Variants in ST18 observed in about 807,000 individuals in gnomAD.
The protein encoded by ST18 is suppression of tumorigenicity 18 protein.
In ST18, 50 loss-of-function variants were observed where a neutral mutation model predicts 110.0. That is an observed-to-expected ratio of 0.45 (90% CI 0.36 to 0.58). The LOEUF is 0.58. ST18 is among the 20% of genes least tolerant of loss of function. ST18 has a pLI of 0.00. For missense variants in ST18, 1,306 were observed against 1,280.1 expected (o/e 1.02, Z -0.31); for synonymous variants, 461 against 452.4 (o/e 1.02, Z -0.24).
At chr8:52,186,642 C>T (rs1201117474) in intron 8 of ST18, among the ~76,000 whole-genome samples, 4 of 152,154 alleles carry the variant, frequency 2.6e-5, no homozygotes, top group Non-Finnish European at 5.9e-5. Context: ...TCTCCCATAC[C>T]GGAAACATCG....
At chr8:52,333,092 GAT>G (rs2140097941) in intron 2 of ST18, among the ~76,000 whole-genome samples, 1 of 152,196 alleles carries the variant, frequency 6.6e-6, no homozygotes, top group African/African-American at 2.4e-5. Flanking sequence ...CCATCAAGCT[GAT>G]GTCCACCTTC....
intron 2 of ST18, among the ~76,000 whole-genome samples, chr8:52,333,578 C>T (rs1377541557): frequency 2.0e-5 from 3 of 152,136 alleles, no homozygotes; most frequent in Admixed American, 6.5e-5. Flanking sequence ...AAAGTAAAGT[C>T]AGGGAAAGAA....
intron 2 of ST18, among the ~76,000 whole-genome samples, chr8:52,374,907 C>T (rs1011479582): frequency 6.6e-6 from 1 of 152,150 alleles, no homozygotes; most frequent in Non-Finnish European, 1.5e-5. Context: ...TGTATATGTA[C>T]CACATCTGTG....
At chr8:52,113,954 G>GTTATTT in intron 25 of ST18, among the ~76,000 whole-genome samples, 1 of 45,422 alleles carries the variant, frequency 2.2e-5, no homozygotes, top group Non-Finnish European at 3.8e-5. Flanking sequence ...TTCATACCGT[G>GTTATTT]TTTTTTTTTT....
At chr8:52,300,836 T>A (rs1383350752) in intron 2 of ST18, among the ~76,000 whole-genome samples, 3 of 152,102 alleles carry the variant, frequency 2.0e-5, no homozygotes, top group Non-Finnish European at 4.4e-5. Context: ...CAGAAAAGCA[T>A]GCTAACTCCT....
intron 8 of ST18, among the ~76,000 whole-genome samples, chr8:52,208,828 TA>T (rs2081113235): frequency 6.6e-6 from 1 of 151,892 alleles, no homozygotes; most frequent in Non-Finnish European, 1.5e-5. Context: ...AATAAATAAA[TA>T]AATAAATAAA....
intron 13 of ST18, among the ~76,000 whole-genome samples, chr8:52,163,422 A>C (rs2061965699): frequency 6.6e-6 from 1 of 152,216 alleles, no homozygotes; most frequent in African/African-American, 2.4e-5. Context: ...TATATACTTT[A>C]GTATTTAGAT....
chr8:52,362,021 T>C (rs1054737575), intron 2 of ST18, among the ~76,000 whole-genome samples: 1 of 152,234 alleles, frequency 6.6e-6, no homozygotes, highest in African/African-American at 2.4e-5. Context: ...TGAACCTATA[T>C]TCTAGTTCAA....
intron 8 of ST18, among the ~76,000 whole-genome samples, chr8:52,189,653 T>G: frequency 6.6e-6 from 1 of 152,294 alleles, no homozygotes; most frequent in East Asian, 1.9e-4. Flanking sequence ...GGTCGTTTAC[T>G]TGGAGAACAA....
intron 2 of ST18, among the ~76,000 whole-genome samples, chr8:52,388,292 G>C (rs1174186541): frequency 6.6e-6 from 1 of 151,872 alleles, no homozygotes; most frequent in African/African-American, 2.4e-5. Context: ...GAATTCCTAC[G>C]GGCTCTCAGC....
In ST18 at chr8:52,310,503, G is replaced by C. The variant is rs142949754; in HGVS notation, c.-464-80426C>G. On this transcript the variant is annotated intron_variant, in intron 2 of 25. Transcript: ENST00000689386. ...AATTAGAATTATATCTAAATTGCAT[G>C]CAGGCAAGGTGGACAGGAGTTGTTT... Among the ~76,000 whole-genome samples the C allele has an allele frequency of 6.0e-3, 913 of 152,278 alleles. 7 individuals are homozygous for C. Among genetic ancestry groups the C allele is most frequent in the African/African-American group, 0.021 (865 of 41,548 alleles).
chr8:52,249,641 A>T (rs16917562), intron 2 of ST18, among the ~76,000 whole-genome samples: 21,797 of 152,012 alleles, frequency 0.14, 1,679 homozygotes, highest in East Asian at 0.26. Flanking sequence ...ATTTAATCAG[A>T]CAAATGCTGA....
intron 2 of ST18, among the ~76,000 whole-genome samples, chr8:52,388,818 G>A (rs1837982007): frequency 7.9e-6 from 1 of 127,300 alleles, no homozygotes; most frequent in South Asian, 3.0e-4. Context: ...ACTGTTGTGG[G>A]GTGGGGGGAG....
At chr8:52,250,023 A>T (rs968724177) in intron 2 of ST18, among the ~76,000 whole-genome samples, 1 of 151,760 alleles carries the variant, frequency 6.6e-6, no homozygotes, top group Non-Finnish European at 1.5e-5. Flanking sequence ...AGTTGCATTT[A>T]TGCCCTCTTT....
rs548664518 is a variant in ST18, at chr8:52,317,439, G to A, written c.-464-87362C>T. On this transcript the variant is annotated intron_variant, in intron 2 of 25. Transcript: ENST00000689386. ...AAAGATCCACCCTAGAGCCTTCGGA[G>A]GGAGCATGGCCCTGCCAACACCTTG... Among the ~76,000 whole-genome samples, 102 of 152,332 alleles carry A rather than the reference G, an allele frequency of 6.7e-4. 1 individual carries two copies. The highest frequency in any genetic ancestry group is 1.3e-3 in the Non-Finnish European group (87 of 68,022).
intron 8 of ST18, among the ~76,000 whole-genome samples, chr8:52,193,823 C>T (rs2135052234): frequency 6.6e-6 from 1 of 152,376 alleles, no homozygotes; most frequent in African/African-American, 2.4e-5. Context: ...AGCCAACTCT[C>T]TCACCTATGT....
chr8:52,398,651 A>C (rs1841951940), intron 2 of ST18, among the ~76,000 whole-genome samples: 1 of 152,152 alleles, frequency 6.6e-6, no homozygotes, highest in South Asian at 2.1e-4. Context: ...ACTTTGTCAA[A>C]TGTTTTGTCT....
At chr8:52,260,700 T>G (rs939444378) in intron 2 of ST18, among the ~76,000 whole-genome samples, 3 of 152,212 alleles carry the variant, frequency 2.0e-5, no homozygotes, top group Non-Finnish European at 2.9e-5. Context: ...CACTTCCTTC[T>G]TCTATACACA....
At chr8:52,270,288 C>T (rs1385629838) in intron 2 of ST18, among the ~76,000 whole-genome samples, 1 of 152,176 alleles carries the variant, frequency 6.6e-6, no homozygotes, top group African/African-American at 2.4e-5. Flanking sequence ...CGTCAACACA[C>T]TTAATTTCAT....
Sources: gnomAD v4.1 joint callset for allele counts (sites outside exome capture counted in the v4.1 genomes callset) on GRCh38, gnomAD v4.1.1 for gene constraint, MANE v1.5 for transcripts, NCBI Gene and HGNC (gene_info 2026-07-23, HGNC 2026-07-21) for gene names.